The following RAPGEF2 variants were observed in gnomAD, a reference collection of about 807,000 sequenced individuals.
RAPGEF2 encodes PDZ domain containing guanine nucleotide exchange factor (GEF) 1.
A neutral mutation model predicts 186.7 loss-of-function variants in RAPGEF2; 54 were observed. That is an observed-to-expected ratio of 0.29 (90% confidence interval 0.23 to 0.36). The LOEUF is 0.36. Among genes scored for constraint, RAPGEF2 ranks in the 10% least tolerant of loss-of-function variants. The pLI is 1.00. For synonymous variants in RAPGEF2, 712 were observed against 705.9 expected (o/e 1.01, Z -0.14); for missense variants, 1,532 against 2,045.0 (o/e 0.75, Z 4.84).
At chr4:159,272,211 G>A (rs1758217897) in intron 7 of RAPGEF2, among the ~76,000 whole-genome samples, 1 of 152,122 alleles carries the variant, frequency 6.6e-6, no homozygotes, top group East Asian at 1.9e-4. Flanking sequence ...CGATTCATTT[G>A]TTAGCCATAA....
chr4:159,187,387 C>T (rs1366810142), intron 2 of RAPGEF2, among the ~76,000 whole-genome samples: 1 of 151,868 alleles, frequency 6.6e-6, no homozygotes, highest in Non-Finnish European at 1.5e-5. Flanking sequence ...GTAAATGCCA[C>T]TTGGTGAATA....
intron 1 of RAPGEF2, among the ~76,000 whole-genome samples, chr4:159,110,944 TTA>T (rs1369382002): frequency 1.3e-5 from 2 of 152,058 alleles, no homozygotes; most frequent in Non-Finnish European, 2.9e-5. Flanking sequence ...GTTCAAGTGA[TTA>T]TGTCAGTCAT....
chr4:159,131,598 T>C (rs547735065), intron 1 of RAPGEF2, among the ~76,000 whole-genome samples: 8 of 150,940 alleles, frequency 5.3e-5, no homozygotes, highest in Admixed American at 4.0e-4. Context: ...TTGGAGTTTT[T>C]ACTAGTTGAA....
Position 159,331,636 on chromosome 4 carries a change from G to T in RAPGEF2, c.1582G>T (p.Gly528Cys). ...TGTTTCTGAACTCTTAAAGAAAATG[G>T]GTGGACACCTAAGGCTGTTGAATAT... ...FENNLEREKM[G>C]GHLRLLNIAC... The change falls in exon 15 of 30, where the codon GGT becomes TGT. Residue 528 changes from glycine to cysteine, a missense_variant. By Grantham distance (159) the Gly-to-Cys change is radical (BLOSUM62 -3). This residue lies in a region of RAPGEF2 where 810 missense variants were observed against 1,210.5 expected (regional missense o/e 0.67). Transcript: ENST00000691494. 4 of 1,614,068 alleles carry T rather than the reference G, an allele frequency of 2.5e-6. No homozygotes were observed. The highest frequency in any genetic ancestry group is 3.4e-6 in the Non-Finnish European group (4 of 1,179,964).
At chr4:159,305,287 A>G (rs1318376471) in intron 8 of RAPGEF2, among the ~76,000 whole-genome samples, 1 of 152,144 alleles carries the variant, frequency 6.6e-6, no homozygotes, top group Non-Finnish European at 1.5e-5. Flanking sequence ...GTACTAGTTT[A>G]CATTCCCACC....
intron 1 of RAPGEF2, among the ~76,000 whole-genome samples, chr4:159,175,532 A>C (rs1477025629): frequency 1.3e-5 from 2 of 152,190 alleles, no homozygotes; most frequent in Non-Finnish European, 2.9e-5. Flanking sequence ...TTTTAATAGG[A>C]GTGCTGATGG....
intron 7 of RAPGEF2, among the ~76,000 whole-genome samples, chr4:159,300,167 A>G (rs1762481382): frequency 6.6e-6 from 1 of 151,110 alleles, no homozygotes; most frequent in African/African-American, 2.4e-5. Flanking sequence ...ACTTTATGTA[A>G]GTATTACTTT....
intron 7 of RAPGEF2, among the ~76,000 whole-genome samples, chr4:159,300,163 TGTAA>T (rs920200583): frequency 3.4e-4 from 51 of 151,432 alleles, no homozygotes; most frequent in East Asian, 1.7e-3. Flanking sequence ...ATATACTTTA[TGTAA>T]GTATTACTTT....
intron 13 of RAPGEF2, 92 bp from the exon 14 acceptor site, chr4:159,331,339 A>AT: frequency 1.4e-6 from 1 of 692,138 alleles, no homozygotes; most frequent in Non-Finnish European, 2.4e-6. Context: ...TATTAGGTAA[A>AT]TTATTTGAAA....
At chr4:159,291,399 A>C (rs1480601132) in intron 7 of RAPGEF2, among the ~76,000 whole-genome samples, 5 of 152,188 alleles carry the variant, frequency 3.3e-5, no homozygotes, top group Middle Eastern at 3.4e-3. Flanking sequence ...AGGCTCAAGC[A>C]ATCCTCCCAC....
intron 16 of RAPGEF2, 79 bp from the exon 17 acceptor site, chr4:159,332,372 A>T: frequency 1.4e-6 from 2 of 1,428,988 alleles, no homozygotes; most frequent in South Asian, 2.7e-5. Context: ...ATATATTTCC[A>T]AGTTCCACAA....
At chr4:159,235,039 CATG>C (rs930093500) in intron 4 of RAPGEF2, among the ~76,000 whole-genome samples, 1 of 152,206 alleles carries the variant, frequency 6.6e-6, no homozygotes, top group African/African-American at 2.4e-5. Flanking sequence ...GAATTACAGA[CATG>C]AGCCACCGTG....
intron 7 of RAPGEF2, among the ~76,000 whole-genome samples, chr4:159,276,997 A>C (rs1758978117): frequency 1.3e-5 from 2 of 152,278 alleles, no homozygotes; most frequent in Admixed American, 1.3e-4. Flanking sequence ...ATATGTATAC[A>C]TGTGTCATAT....
At chr4:159,284,538 A>G (rs1760191687) in intron 7 of RAPGEF2, among the ~76,000 whole-genome samples, 1 of 147,928 alleles carries the variant, frequency 6.8e-6, no homozygotes, top group Admixed American at 6.8e-5. Context: ...ACACACACGA[A>G]TTGTAAATGA....
chr4:159,261,920 CTTTA>C (rs1179657004), intron 7 of RAPGEF2, among the ~76,000 whole-genome samples: 2 of 152,108 alleles, frequency 1.3e-5, no homozygotes, highest in East Asian at 3.8e-4. Context: ...TCATGTAGGT[CTTTA>C]TATTTATTCC....
chr4:159,167,164 T>A (rs996953455), intron 1 of RAPGEF2, among the ~76,000 whole-genome samples: 2 of 152,212 alleles, frequency 1.3e-5, no homozygotes, highest in Non-Finnish European at 2.9e-5. Flanking sequence ...AGAAAATAGT[T>A]GCTACTAAGT....
intron 7 of RAPGEF2, among the ~76,000 whole-genome samples, chr4:159,277,590 G>T (rs1759087530): frequency 6.6e-6 from 1 of 152,140 alleles, no homozygotes; most frequent in Non-Finnish European, 1.5e-5. Flanking sequence ...AGCACCTGTT[G>T]TTTCCTGACT....
At chr4:159,236,998 G>T (rs1753344282) in intron 4 of RAPGEF2, among the ~76,000 whole-genome samples, 1 of 152,098 alleles carries the variant, frequency 6.6e-6, no homozygotes, top group Non-Finnish European at 1.5e-5. Flanking sequence ...TGTTAAATAT[G>T]ATGCTGGTTT....
chr4:159,210,431 C>T, intron 3 of RAPGEF2, 69 bp from the exon 4 acceptor site: 1 of 1,020,374 alleles, frequency 9.8e-7, no homozygotes, highest in Admixed American at 2.1e-5. Context: ...GCACTTTGTG[C>T]TATATGTTTT....
Sources: allele counts gnomAD v4.1 joint callset (sites outside exome capture counted in the v4.1 genomes callset), GRCh38; gene constraint gnomAD v4.1.1; regional missense constraint gnomAD v4.1.1; transcripts MANE v1.5; gene names NCBI Gene and HGNC (gene_info 2026-07-23, HGNC 2026-07-21).